TOX2: variants seen among roughly 807,000 people sequenced by gnomAD.
The protein encoded by TOX2 is TOX high mobility group box family member 2, also known as granulosa cell HMG box 1.
A neutral mutation model predicts 47.4 loss-of-function variants in TOX2; 15 were observed. That is an observed-to-expected ratio of 0.32 (90% CI 0.21 to 0.49). The LOEUF is 0.49. TOX2 is among the 20% of genes least tolerant of loss of function. The pLI, the probability that TOX2 is intolerant of heterozygous loss-of-function variation, is 0.99. For missense variants in TOX2, 622 were observed against 673.1 expected (o/e 0.92, Z 0.84); for synonymous variants, 290 against 296.6 (o/e 0.98, Z 0.23).
chr20:44,066,897 G>A, intron 8 of TOX2, 40 bp downstream of exon 8: 1 of 1,587,358 alleles, frequency 6.3e-7, no homozygotes. Context: ...CTGCCAGCCA[G>A]GGAGAGTGGG....
At chr20:43,932,631 T>C (rs2069267251) in intron 1 of TOX2, among the ~76,000 whole-genome samples, 1 of 152,200 alleles carries the variant, frequency 6.6e-6, no homozygotes, top group Non-Finnish European at 1.5e-5. Context: ...CCTGGGGTCT[T>C]CTCTGCACAT....
Position 44,065,769 on chromosome 20 carries a change from C to G in TOX2, c.1018C>G (p.Leu340Val). 2 of 1,609,064 alleles carry G rather than the reference C, an allele frequency of 1.2e-6. No individual in the cohort carries two copies. Among genetic ancestry groups the G allele is most frequent in the South Asian group, 2.2e-5 (2 of 90,802 alleles). Residue 340 changes from leucine (L) to valine (V), a missense_variant, in exon 7 of 9, where the codon CTC becomes GTC. By Grantham distance (32) the Leu-to-Val change is conservative. Coordinates refer to ENST00000341197, the MANE Select transcript of TOX2 (RefSeq NM_001098797.2). ...STQANPPAKMLPPKQPMYAMP... is the reference protein window; with the variant it reads ...STQANPPAKMVPPKQPMYAMP... The stretch of plus-strand genomic sequence containing the variant: ...TCAGGCAAACCCACCAGCCAAAATG[C>G]TCCCACCCAAGCAGCCCATGTATGC...
At position 44,068,779 on chromosome 20, in the gene TOX2, G is replaced by T; in HGVS notation, c.*93G>T. On this transcript the variant is annotated 3_prime_UTR_variant, in exon 9 of 9. Transcript: ENST00000341197. ...GAAAAGAGGCCCTGGCCAGAGGCAG[G>T]GTGGCCCATCGGAGAGAGCAGTGAC... 2 of 1,555,910 alleles carry T rather than the reference G, an allele frequency of 1.3e-6. No homozygotes were observed. Among genetic ancestry groups the T allele is most frequent in the Non-Finnish European group, 8.8e-7 (1 of 1,138,068 alleles).
chr20:44,052,650 A>G (rs2071535998), intron 4 of TOX2, among the ~76,000 whole-genome samples: 1 of 152,214 alleles, frequency 6.6e-6, no homozygotes, highest in Non-Finnish European at 1.5e-5. Flanking sequence ...CATAACAAGT[A>G]TACGTCCATG....
intron 3 of TOX2, among the ~76,000 whole-genome samples, chr20:44,025,907 T>C (rs1329924607): frequency 1.3e-5 from 2 of 151,890 alleles, no homozygotes; most frequent in Non-Finnish European, 2.9e-5. Flanking sequence ...TGAGGATAAA[T>C]GAGGAGCCAT....
chr20:43,967,272 G>A (rs2069872801), intron 1 of TOX2, among the ~76,000 whole-genome samples: 1 of 152,154 alleles, frequency 6.6e-6, no homozygotes, highest in African/African-American at 2.4e-5. Flanking sequence ...TGGGCAAATG[G>A]GGGAGATAGG....
At chr20:43,919,679 C>G (rs1005994742) in intron 1 of TOX2, among the ~76,000 whole-genome samples, 4 of 152,194 alleles carry the variant, frequency 2.6e-5, no homozygotes, top group Non-Finnish European at 2.9e-5. Context: ...CTCCCTCCCC[C>G]CGGCACTTGA....
At chr20:43,955,447 G>A (rs1446053196) in intron 1 of TOX2, among the ~76,000 whole-genome samples, 1 of 152,228 alleles carries the variant, frequency 6.6e-6, no homozygotes, top group Non-Finnish European at 1.5e-5. Context: ...AGGGGCAGGG[G>A]TTAAAGCTTA....
intron 1 of TOX2, among the ~76,000 whole-genome samples, chr20:43,941,402 G>T (rs1349932418): frequency 1.3e-5 from 2 of 150,328 alleles, no homozygotes; most frequent in African/African-American, 4.9e-5. Flanking sequence ...GCGCGATCTC[G>T]GCTCACTGCA....
At chr20:43,927,343 TC>T (rs760612759) in intron 1 of TOX2, among the ~76,000 whole-genome samples, 1 of 152,050 alleles carries the variant, frequency 6.6e-6, no homozygotes, top group Non-Finnish European at 1.5e-5. Flanking sequence ...TCCCCCATAT[TC>T]ATCATCCTAC....
At chr20:44,038,291 G>A (rs925149255) in intron 3 of TOX2, among the ~76,000 whole-genome samples, 29 of 152,188 alleles carry the variant, frequency 1.9e-4, no homozygotes, top group Admixed American at 9.2e-4. Flanking sequence ...AGCTACTTGG[G>A]AGGCTGAGGT....
At chr20:44,050,918 C>A (rs920086951) in intron 3 of TOX2, among the ~76,000 whole-genome samples, 2 of 152,200 alleles carry the variant, frequency 1.3e-5, no homozygotes. Flanking sequence ...CGTCGTCCAG[C>A]ATCTGTGTGC....
At position 43,924,974 on chromosome 20, in the gene TOX2, C is replaced by T. The variant is rs554638175; in HGVS notation, c.99+9984C>T. 1.3e-4 allele frequency among the ~76,000 whole-genome samples: 20 copies of T among 152,210 alleles called. No homozygotes were observed. The East Asian group carries it at 1.4e-3, about 10-fold the overall frequency. ...TTCAGTTCCTTACTTTTAATACATT[C>T]GTTGTTTTTATTTCTGGAATCATTT... On this transcript the variant is annotated intron_variant, in intron 1 of 8. Transcript: ENST00000341197.
At chr20:44,051,259 G>A (rs748224151) in intron 3 of TOX2, 47 bp from the exon 4 acceptor site, 55 of 1,551,668 alleles carry the variant, frequency 3.5e-5, no homozygotes, top group South Asian at 3.2e-4. Flanking sequence ...TGATGGAGTG[G>A]CAGGACAGAT....
intron 3 of TOX2, among the ~76,000 whole-genome samples, chr20:44,018,996 G>C (rs557064308): frequency 1.3e-5 from 2 of 152,336 alleles, no homozygotes; most frequent in East Asian, 3.9e-4. Context: ...CTACTCCACA[G>C]AGTGTGGGAA....
intron 2 of TOX2, among the ~76,000 whole-genome samples, chr20:44,001,584 C>G (rs1319794638): frequency 1.3e-5 from 2 of 152,198 alleles, no homozygotes; most frequent in African/African-American, 4.8e-5. Flanking sequence ...CAAAAGGCTT[C>G]TGGTCAATTG....
At chr20:44,006,868 G>C in intron 3 of TOX2, 76 bp downstream of exon 3, 1 of 1,515,830 alleles carries the variant, frequency 6.6e-7, no homozygotes, top group Non-Finnish European at 8.8e-7. Flanking sequence ...GAAGAATGTT[G>C]ATGCTTTGAT....
chr20:44,051,625 C>T, intron 4 of TOX2, 80 bp downstream of exon 4: 2 of 1,507,856 alleles, frequency 1.3e-6, no homozygotes, highest in Non-Finnish European at 1.8e-6. Flanking sequence ...TGGGCATCAC[C>T]TCCCTCTAGT....
chr20:44,042,080 T>A (rs2071340109), intron 3 of TOX2, among the ~76,000 whole-genome samples: 1 of 152,224 alleles, frequency 6.6e-6, no homozygotes, highest in African/African-American at 2.4e-5. Context: ...GAAAGAGATT[T>A]AATGGACTCA....
Sources: allele counts gnomAD v4.1 joint callset (sites outside exome capture counted in the v4.1 genomes callset), GRCh38; gene constraint gnomAD v4.1.1; transcripts MANE v1.5; gene names NCBI Gene and HGNC (gene_info 2026-07-23, HGNC 2026-07-21).